Variants in DTNBP1 observed in about 807,000 individuals in gnomAD.
The protein encoded by DTNBP1 is dysbindin.
In DTNBP1, 35 loss-of-function variants were observed where a neutral mutation model predicts 42.8. The observed-to-expected ratio is 0.82, with a 90% CI of 0.63 to 1.09. The LOEUF (loss-of-function observed/expected upper bound fraction) is 1.09. Ranked by LOEUF, DTNBP1 falls within the 50% of genes least tolerant of loss-of-function variation. DTNBP1 has a pLI of 0.00. For missense variants in DTNBP1, 457 were observed against 424.2 expected, an observed-to-expected ratio of 1.08 and a Z score of -0.68; for synonymous variants, 171 against 162.2, an observed-to-expected ratio of 1.05 and a Z score of -0.41.
chr6:15,658,424 G>A lies in DTNBP1; in HGVS notation c.56+4390C>T, dbSNP rs146628449. On this transcript the variant is annotated intron_variant, in intron 1 of 9. Transcript: ENST00000344537. ...AGGTTTTGGTAGATACTACAAGGAC[G>A]GAAGAAGACAGAATGAGGACACTGG... Among the ~76,000 whole-genome samples the A allele has an allele frequency of 3.0e-3, 457 of 152,234 alleles. 2 individuals carry two copies. The highest frequency in any genetic ancestry group is 3.7e-3 in the Non-Finnish European group (251 of 68,014).
chr6:15,533,629 C>CTGT (rs1340026853), intron 7 of DTNBP1: 3 of 680,914 alleles, frequency 4.4e-6, no homozygotes, highest in Non-Finnish European at 8.0e-6. Context: ...TTTGCATGTG[C>CTGT]TGTTCCCTTT....
intron 7 of DTNBP1, among the ~76,000 whole-genome samples, chr6:15,568,471 A>C (rs954415213): frequency 3.9e-5 from 6 of 152,222 alleles, no homozygotes; most frequent in African/African-American, 1.4e-4. Context: ...CTCGGACACA[A>C]ACTTTGTCAT....
At chr6:15,537,988 C>G (rs1366488639) in intron 7 of DTNBP1, among the ~76,000 whole-genome samples, 1 of 152,208 alleles carries the variant, frequency 6.6e-6, no homozygotes, top group African/African-American at 2.4e-5. Context: ...TACTTCTAAA[C>G]TTGCTTTTAG....
chr6:15,624,259 G>C (rs1478847014), intron 5 of DTNBP1, among the ~76,000 whole-genome samples: 1 of 152,234 alleles, frequency 6.6e-6, no homozygotes, highest in Non-Finnish European at 1.5e-5. Flanking sequence ...TTTAAAGTGA[G>C]GAAGTTGGAT....
intron 7 of DTNBP1, among the ~76,000 whole-genome samples, chr6:15,561,643 G>T (rs1774847094): frequency 6.6e-6 from 1 of 152,204 alleles, no homozygotes; most frequent in Non-Finnish European, 1.5e-5. Flanking sequence ...TAAAAGGGAA[G>T]GAGAAAATAA....
chr6:15,562,613 ACTAT>A (rs769636400), intron 7 of DTNBP1, among the ~76,000 whole-genome samples: 1 of 152,214 alleles, frequency 6.6e-6, no homozygotes, highest in Non-Finnish European at 1.5e-5. Flanking sequence ...GGCTATTAAG[ACTAT>A]CTTTTTCTGG....
chr6:15,525,493 G>A (rs552145008), intron 8 of DTNBP1, among the ~76,000 whole-genome samples: 58 of 152,236 alleles, frequency 3.8e-4, no homozygotes, highest in Non-Finnish European at 6.9e-4. Flanking sequence ...GAGCCACTCC[G>A]AGTGAAGGGC....
At chr6:15,642,192 T>C (rs950441553) in intron 3 of DTNBP1, among the ~76,000 whole-genome samples, 1 of 152,120 alleles carries the variant, frequency 6.6e-6, no homozygotes, top group Non-Finnish European at 1.5e-5. Flanking sequence ...TCTGCTCCCA[T>C]CTGGAGGAAG....
At chr6:15,589,904 A>G (rs1395469830) in intron 7 of DTNBP1, among the ~76,000 whole-genome samples, 1 of 152,092 alleles carries the variant, frequency 6.6e-6, no homozygotes, top group Non-Finnish European at 1.5e-5. Flanking sequence ...TAGTTAGTTC[A>G]TGTCACCTTT....
rs186400902 is a variant in DTNBP1, at chr6:15,580,531, T to A, written c.511+12528A>T. Among the ~76,000 whole-genome samples, 66 of 152,302 alleles carry A rather than the reference T, an allele frequency of 4.3e-4. No homozygotes were observed. The East Asian group carries it at 0.012, about 28-fold the overall frequency. ...AATTTCCAACAATAGGAAAACAGTA[T>A]GTTAATGACATGAGGCAATGCTCAT... On this transcript the variant is annotated intron_variant, in intron 7 of 9. Transcript: ENST00000344537.
chr6:15,539,183 C>T (rs556448436), intron 7 of DTNBP1, among the ~76,000 whole-genome samples: 2 of 152,336 alleles, frequency 1.3e-5, no homozygotes, highest in African/African-American at 4.8e-5. Flanking sequence ...CTAATGCTAA[C>T]CAAAGCAACA....
Position 15,545,174 on chromosome 6 carries a change from A to T in DTNBP1, c.512-11779T>A, listed in dbSNP as rs560904294. Reference sequence around the variant, plus strand: ...ACAAATTTTCTCAGGCTGGATTAAAAAAAAAGACCCGTAAAAGTATTTTCC... The same window carrying T: ...ACAAATTTTCTCAGGCTGGATTAAATAAAAAGACCCGTAAAAGTATTTTCC... On this transcript the variant is annotated intron_variant, in intron 7 of 9. Coordinates refer to ENST00000344537, the MANE Select transcript of DTNBP1 (RefSeq NM_032122.5). Among the ~76,000 whole-genome samples, 426 of 152,296 alleles carry T rather than the reference A, an allele frequency of 2.8e-3. 1 individual carries two copies. The highest frequency in any genetic ancestry group is 3.7e-3 in the Non-Finnish European group (251 of 68,024).
chr6:15,524,846 A>G (rs1443089308), intron 8 of DTNBP1, among the ~76,000 whole-genome samples, 177 bp from the exon 9 acceptor site: 4 of 150,676 alleles, frequency 2.7e-5, no homozygotes, highest in Non-Finnish European at 5.9e-5. Flanking sequence ...TGCATCCTAA[A>G]TCACCCTTGG....
At chr6:15,623,635 C>A (rs1245472863) in intron 5 of DTNBP1, among the ~76,000 whole-genome samples, 1 of 152,122 alleles carries the variant, frequency 6.6e-6, no homozygotes. Context: ...AAAAATAGGT[C>A]ATATAAAATA....
intron 7 of DTNBP1, among the ~76,000 whole-genome samples, chr6:15,591,496 T>A (rs144912256): frequency 1.3e-5 from 2 of 152,328 alleles, no homozygotes; most frequent in South Asian, 4.1e-4. Flanking sequence ...TAATGCAACA[T>A]TCAATTTAGG....
chr6:15,632,926 T>A (rs78983357), intron 4 of DTNBP1, among the ~76,000 whole-genome samples: 2,467 of 152,324 alleles, frequency 0.016, 80 homozygotes, highest in African/African-American at 0.056. Flanking sequence ...TCATAAGCCT[T>A]GCAAATATCA....
At chr6:15,569,884 T>C (rs1010095667) in intron 7 of DTNBP1, among the ~76,000 whole-genome samples, 1 of 152,222 alleles carries the variant, frequency 6.6e-6, no homozygotes, top group African/African-American at 2.4e-5. Flanking sequence ...TGGTAAATTA[T>C]GTCCCTGTAA....
At chr6:15,569,371 CG>C (rs1775242330) in intron 7 of DTNBP1, among the ~76,000 whole-genome samples, 1 of 146,318 alleles carries the variant, frequency 6.8e-6, no homozygotes, top group Admixed American at 6.8e-5. Flanking sequence ...CCGCCCGCCC[CG>C]ACAGGAACGA....
At chr6:15,609,555 G>A (rs1758279788) in intron 6 of DTNBP1, among the ~76,000 whole-genome samples, 1 of 152,046 alleles carries the variant, frequency 6.6e-6, no homozygotes, top group African/African-American at 2.4e-5. Context: ...TCCTGACCTC[G>A]TGTTCCACCC....
Sources: allele counts gnomAD v4.1 joint callset (sites outside exome capture counted in the v4.1 genomes callset), GRCh38; gene constraint gnomAD v4.1.1; transcripts MANE v1.5; gene names NCBI Gene and HGNC (gene_info 2026-07-23, HGNC 2026-07-21).